The following ERLIN1 variants were observed in gnomAD, a reference collection of about 807,000 sequenced individuals.
ERLIN1 encodes erlin-1.
Under a neutral mutation model 46.9 loss-of-function variants are expected in ERLIN1, and 24 were observed. The observed-to-expected ratio is 0.51, with a 90% confidence interval of 0.37 to 0.72. ERLIN1 has a LOEUF of 0.72. ERLIN1 is among the 30% of genes least tolerant of loss of function. ERLIN1 has a pLI of 0.00. For synonymous variants in ERLIN1, 158 were observed against 143.2 expected, an observed-to-expected ratio of 1.10 and a Z score of -0.74; for missense variants, 293 against 417.9, an observed-to-expected ratio of 0.70 and a Z score of 2.61.
At chr10:100,183,226 G>A (rs528782270) in intron 2 of ERLIN1, among the ~76,000 whole-genome samples, 3 of 152,128 alleles carry the variant, frequency 2.0e-5, no homozygotes, top group South Asian at 2.1e-4. Context: ...GACACTTTTC[G>A]AGGATTAGAC....
chr10:100,168,674 G>C (rs1310772079), intron 6 of ERLIN1, among the ~76,000 whole-genome samples: 9 of 149,694 alleles, frequency 6.0e-5, no homozygotes, highest in Non-Finnish European at 1.3e-4. Flanking sequence ...GAAGCGTAAA[G>C]TAGGACTTTT....
At chr10:100,179,339 A>T in intron 2 of ERLIN1, 92 bp from the exon 3 acceptor site, 1 of 809,012 alleles carries the variant, frequency 1.2e-6, no homozygotes, top group Non-Finnish European at 2.1e-6. Context: ...AGCTGCTGAC[A>T]GTAAGTACAG....
intron 7 of ERLIN1, 118 bp from the exon 8 acceptor site, chr10:100,164,213 A>C: frequency 1.6e-6 from 1 of 622,090 alleles, no homozygotes; most frequent in Non-Finnish European, 2.8e-6. Context: ...TTTTGGACCC[A>C]TTAAGGTAGG....
At chr10:100,161,244 C>T (rs759475031) in intron 8 of ERLIN1, among the ~76,000 whole-genome samples, 1 of 151,814 alleles carries the variant, frequency 6.6e-6, no homozygotes, top group Non-Finnish European at 1.5e-5. Flanking sequence ...GAAATCTAAG[C>T]GACTATTAGA....
At chr10:100,155,298 C>T (rs539079828) in intron 9 of ERLIN1, among the ~76,000 whole-genome samples, 2 of 152,036 alleles carry the variant, frequency 1.3e-5, no homozygotes, top group Admixed American at 1.3e-4. Flanking sequence ...TCCAGCCCCC[C>T]CCCAAATTTC....
chr10:100,179,181 T>A lies in ERLIN1; in HGVS notation c.242+20A>T, dbSNP rs1405477765. 6.3e-7 allele frequency: 1 copy of A among 1,580,146 alleles called. No homozygotes were observed. The highest frequency in any genetic ancestry group is 1.3e-5 in the African/African-American group (1 of 74,436). Reference sequence around the variant, plus strand: ...TCTGTCTGAGCTAAAGGGAGGCTCGTAGGCAAAGAGAAAGCTTACCTTGTT... The same window carrying A: ...TCTGTCTGAGCTAAAGGGAGGCTCGAAGGCAAAGAGAAAGCTTACCTTGTT... On this transcript the variant is annotated intron_variant, in intron 3 of 10. Transcript: ENST00000421367.
chr10:100,155,051 C>A (rs934674179), intron 9 of ERLIN1, 112 bp from the exon 10 acceptor site: 2 of 881,262 alleles, frequency 2.3e-6, no homozygotes, highest in Admixed American at 2.3e-5. Flanking sequence ...GTTTTAAAAA[C>A]CTATTAGCAG....
At chr10:100,181,845 A>AT (rs1264803925) in intron 2 of ERLIN1, among the ~76,000 whole-genome samples, 2 of 152,116 alleles carry the variant, frequency 1.3e-5, no homozygotes, top group African/African-American at 4.8e-5. Context: ...TTTTATTAAT[A>AT]TAATTATTTC....
At chr10:100,170,918 G>A (rs1843956297) in intron 6 of ERLIN1, among the ~76,000 whole-genome samples, 2 of 152,188 alleles carry the variant, frequency 1.3e-5, no homozygotes, top group South Asian at 4.1e-4. Flanking sequence ...AATGCAGTAT[G>A]TAACATAAAA....
rs558108601 is a variant in ERLIN1 at position 100,156,884 on chromosome 10, G to A, written c.656-650C>T. Among the ~76,000 whole-genome samples the A allele has an allele frequency of 5.9e-5, 9 of 152,186 alleles. No individual in the cohort carries two copies. The South Asian group carries it at 1.9e-3, about 32-fold the overall frequency. Reference sequence around the variant, plus strand: ...TATAAAATTAGCCAAGCATGATGGTGCGTGCCTATAGTCCCAGCTACACAG... The same window carrying A: ...TATAAAATTAGCCAAGCATGATGGTACGTGCCTATAGTCCCAGCTACACAG... On this transcript the variant is annotated intron_variant, in intron 8 of 10. Coordinates refer to ENST00000421367, the MANE Select transcript of ERLIN1 (RefSeq NM_006459.4).
At chr10:100,167,200 A>T in intron 7 of ERLIN1, 148 bp downstream of exon 7, 1 of 669,120 alleles carries the variant, frequency 1.5e-6, no homozygotes, top group Middle Eastern at 2.4e-4. Context: ...AGACACAAGA[A>T]TAGGCAATAT....
intron 10 of ERLIN1, among the ~76,000 whole-genome samples, chr10:100,153,427 T>G (rs1178944875): frequency 6.6e-6 from 1 of 152,240 alleles, no homozygotes; most frequent in Non-Finnish European, 1.5e-5. Context: ...CCATTTCCAC[T>G]GTTCCCTGTA....
Position 100,175,942 on chromosome 10 carries a change from T to C in ERLIN1, c.430+3A>G. On this transcript the variant is annotated splice_donor_region_variant and intron_variant, in intron 5 of 10. Transcript: ENST00000421367. ...TTACATACATAAGAATTAAGACACT[T>C]ACCAAACAATTCAATGTAAACTTCC... 3 of 1,612,212 alleles carry C rather than the reference T, an allele frequency of 1.9e-6. No homozygotes were observed. The highest frequency in any genetic ancestry group is 2.5e-6 in the Non-Finnish European group (3 of 1,178,918).
intron 6 of ERLIN1, among the ~76,000 whole-genome samples, chr10:100,170,082 T>C (rs1843900898): frequency 6.6e-6 from 1 of 152,154 alleles, no homozygotes; most frequent in Non-Finnish European, 1.5e-5. Context: ...CTTGAAAATA[T>C]CGATAATGAA....
chr10:100,169,561 T>C (rs1460990767), intron 6 of ERLIN1, among the ~76,000 whole-genome samples: 1 of 151,742 alleles, frequency 6.6e-6, no homozygotes, highest in Non-Finnish European at 1.5e-5. Flanking sequence ...TAGAAGGCAG[T>C]GAATTCAAGT....
intron 7 of ERLIN1, among the ~76,000 whole-genome samples, chr10:100,164,782 C>CT (rs1843541548): frequency 6.6e-6 from 1 of 151,960 alleles, no homozygotes; most frequent in Non-Finnish European, 1.5e-5. Context: ...TTAAGGTAAA[C>CT]TTTGTTTCAT....
Position 100,157,731 on chromosome 10 carries a change from A to G in ERLIN1, c.656-1497T>C, listed in dbSNP as rs150471488. On this transcript the variant is annotated intron_variant, in intron 8 of 10. Transcript: ENST00000421367. ...TGAACTGTAAGCAGAAACTCAAGAT[A>G]AAACATGAATAAAAGGTGAGGGATC... 2.9e-3 allele frequency among the ~76,000 whole-genome samples: 438 copies of G among 152,360 alleles called. 4 individuals carry two copies. The highest frequency in any genetic ancestry group is 0.01 in the African/African-American group (427 of 41,588).
chr10:100,159,526 C>CA (rs1315408132), intron 8 of ERLIN1, among the ~76,000 whole-genome samples: 1 of 152,006 alleles, frequency 6.6e-6, no homozygotes, highest in African/African-American at 2.4e-5. Flanking sequence ...AGGTAGGCCA[C>CA]AAAGCAATTT....
At chr10:100,163,928 T>C (rs990338616) in intron 8 of ERLIN1, 76 bp downstream of exon 8, 12 of 922,288 alleles carry the variant, frequency 1.3e-5, no homozygotes, top group Admixed American at 1.3e-4. Context: ...AGTCCCATGA[T>C]ACCCAAAATG....
Sources: gnomAD v4.1 joint callset for allele counts (sites outside exome capture counted in the v4.1 genomes callset) on GRCh38, gnomAD v4.1.1 for gene constraint, MANE v1.5 for transcripts, NCBI Gene and HGNC (gene_info 2026-07-23, HGNC 2026-07-21) for gene names.